The following COL11A1 variants were observed in gnomAD, a reference collection of about 807,000 sequenced individuals.
COL11A1 encodes the protein collagen type XI alpha 1 chain.
In COL11A1, 74 loss-of-function variants were observed where a neutral mutation model predicts 265.2. The observed-to-expected ratio is 0.28, with a 90% CI of 0.23 to 0.34. The LOEUF (loss-of-function observed/expected upper bound fraction) is 0.34. Ranked by LOEUF, COL11A1 falls within the 10% of genes least tolerant of loss-of-function variation. The pLI is 1.00. For synonymous variants in COL11A1, 816 were observed against 727.6 expected, an observed-to-expected ratio of 1.12 and a Z score of -1.96; for missense variants, 2,165 against 2,263.6, an observed-to-expected ratio of 0.96 and a Z score of 0.88.
Position 102,989,581 on chromosome 1 carries a change from T to C in COL11A1, c.2341-10A>G. The C allele has an allele frequency of 6.2e-7, 1 of 1,601,694 alleles. No homozygotes were observed. The highest frequency in any genetic ancestry group is 8.5e-7 in the Non-Finnish European group (1 of 1,169,592). ...GAAAACCATCTTCACCCTAAAACAT[T>C]ATAAAAGGAATTAAATAGGAGTTTA... On this transcript the variant is annotated splice_polypyrimidine_tract_variant and intron_variant, in intron 28 of 66. Coordinates refer to ENST00000370096, the MANE Select transcript of COL11A1 (RefSeq NM_001854.4).
chr1:102,885,941 T>C (rs765438034), intron 63 of COL11A1, among the ~76,000 whole-genome samples: 7 of 152,134 alleles, frequency 4.6e-5, no homozygotes, highest in Admixed American at 3.9e-4. Context: ...TTTTGTGACA[T>C]CCTTTTTTTT....
chr1:103,050,087 C>G (rs909941735), intron 4 of COL11A1, among the ~76,000 whole-genome samples: 1 of 152,146 alleles, frequency 6.6e-6, no homozygotes, highest in Non-Finnish European at 1.5e-5. Context: ...CTTGGAGTTG[C>G]TCTTCTCAAG....
intron 33 of COL11A1, 59 bp from the exon 34 acceptor site, chr1:102,978,972 A>AAT (rs1429194238): frequency 6.2e-7 from 1 of 1,609,980 alleles, no homozygotes; most frequent in African/African-American, 1.3e-5. Context: ...AAAGACACTA[A>AAT]ATCAATTTTT....
intron 4 of COL11A1, among the ~76,000 whole-genome samples, chr1:103,057,013 T>C (rs76837428): frequency 0.035 from 5,254 of 152,224 alleles, 326 homozygotes; most frequent in African/African-American, 0.12. Context: ...CTGTATCAAT[T>C]TCTTAAAATA....
At chr1:102,977,226 G>T (rs982602492) in intron 35 of COL11A1, among the ~76,000 whole-genome samples, 34 of 152,172 alleles carry the variant, frequency 2.2e-4, no homozygotes, top group Admixed American at 7.9e-4. Context: ...AATAGTTTAA[G>T]ATAATTAAAA....
At chr1:102,928,321 A>G (rs1023375851) in intron 46 of COL11A1, among the ~76,000 whole-genome samples, 3 of 150,508 alleles carry the variant, frequency 2.0e-5, no homozygotes, top group Non-Finnish European at 4.4e-5. Context: ...TCATTGTTCA[A>G]TTCCCACCTA....
chr1:102,899,023 T>C (rs1412659842), intron 54 of COL11A1, 29 bp from the exon 55 acceptor site: 1 of 1,344,978 alleles, frequency 7.4e-7, no homozygotes, highest in Admixed American at 1.9e-5. Flanking sequence ...TTGTAAAATA[T>C]GTATCACATA....
intron 4 of COL11A1, among the ~76,000 whole-genome samples, chr1:103,056,945 G>A (rs1268899408): frequency 6.6e-6 from 1 of 152,146 alleles, no homozygotes; most frequent in African/African-American, 2.4e-5. Flanking sequence ...TGCTGGTGGA[G>A]GGTCTCACCT....
chr1:103,103,123 G>A (rs193104909), intron 1 of COL11A1, among the ~76,000 whole-genome samples: 2 of 151,974 alleles, frequency 1.3e-5, no homozygotes, highest in Admixed American at 6.6e-5. Context: ...ATTAGAATTT[G>A]CACTACTACG....
intron 9 of COL11A1, among the ~76,000 whole-genome samples, chr1:103,021,089 T>C (rs1391451786): frequency 1.3e-5 from 2 of 150,650 alleles, no homozygotes; most frequent in Admixed American, 6.6e-5. Flanking sequence ...TCAGTTCTAA[T>C]ACATTAGTTT....
chr1:102,914,836 AG>A lies in COL11A1; in HGVS notation c.3817-26del, dbSNP rs371873617. 1.3e-3 allele frequency: 1,731 copies of A among 1,369,138 alleles called. 4 individuals carry two copies. Among genetic ancestry groups the A allele is most frequent in the Admixed American group, 1.6e-3 (80 of 49,812 alleles). 84.8% of individuals were successfully genotyped at this position (1,369,138 alleles called of 1,614,324 possible). A position where few individuals can be genotyped will look rare whatever the true frequency, so the allele number is the denominator to read the frequency against. On this transcript the variant is annotated intron_variant, in intron 50 of 66. Transcript: ENST00000370096. ...CCTAAACAATGTTAAAAAAAAAAAA[AG>A]AAGAAGAAGGAAAGAAGAGTTATCT...
intron 36 of COL11A1, among the ~76,000 whole-genome samples, chr1:102,970,484 T>C (rs1042730635): frequency 2.6e-5 from 4 of 152,212 alleles, no homozygotes; most frequent in East Asian, 3.8e-4. Context: ...ATAGTTGAAC[T>C]CTTTTCTGAA....
In COL11A1 at chr1:103,022,958, T is replaced by C. The variant is rs758560816; in HGVS notation, c.1029A>G (p.Leu343=). 6.2e-7 allele frequency: 1 copy of C among 1,613,302 alleles called. No individual in the cohort carries two copies. Among genetic ancestry groups the C allele is most frequent in the Non-Finnish European group, 8.5e-7 (1 of 1,179,556 alleles). Residue 343 remains leucine (L), a synonymous_variant, in exon 8 of 67, where the codon CTA becomes CTG. Coordinates refer to ENST00000370096, the MANE Select transcript of COL11A1 (RefSeq NM_001854.4). ...PVEEIFTEEY[L]TGEDYDSQRK... Reference sequence around the variant, plus strand: ...TCTGGGAATCATAATCCTCTCCCGTTAGATATTCTTCAGTAAATATTTCTT... The same window carrying C: ...TCTGGGAATCATAATCCTCTCCCGTCAGATATTCTTCAGTAAATATTTCTT...
At chr1:103,004,301 T>A in intron 20 of COL11A1, 143 bp downstream of exon 20, 1 of 642,756 alleles carries the variant, frequency 1.6e-6, no homozygotes, top group Non-Finnish European at 2.7e-6. Flanking sequence ...CCTTTTTAAT[T>A]TTTTTCGCAT....
chr1:102,899,227 A>G (rs1570666046), intron 54 of COL11A1, among the ~76,000 whole-genome samples: 1 of 152,242 alleles, frequency 6.6e-6, no homozygotes, highest in African/African-American at 2.4e-5. Context: ...CTTCACATCA[A>G]TATAAGAAAG....
chr1:102,934,345 C>A, intron 46 of COL11A1, 104 bp downstream of exon 46: 1 of 766,770 alleles, frequency 1.3e-6, no homozygotes, highest in Admixed American at 2.2e-5. Flanking sequence ...TACCCAAGTT[C>A]TTACGTAGAA....
intron 41 of COL11A1, among the ~76,000 whole-genome samples, chr1:102,959,897 G>A (rs1298237601): frequency 6.6e-6 from 1 of 152,128 alleles, no homozygotes; most frequent in African/African-American, 2.4e-5. Context: ...TCACAGCTCA[G>A]ATGATTAGTT....
intron 4 of COL11A1, among the ~76,000 whole-genome samples, chr1:103,039,536 A>C (rs1668642893): frequency 6.6e-6 from 1 of 152,054 alleles, no homozygotes; most frequent in Non-Finnish European, 1.5e-5. Context: ...CAGAGGAAAG[A>C]CCATGTAAAG....
chr1:102,985,747 G>A (rs564447101), intron 30 of COL11A1, among the ~76,000 whole-genome samples: 2 of 152,252 alleles, frequency 1.3e-5, no homozygotes, highest in East Asian at 3.9e-4. Context: ...TAGCTTGTGT[G>A]ACTGTTTACA....
Sources: allele counts gnomAD v4.1 joint callset (sites outside exome capture counted in the v4.1 genomes callset), GRCh38; gene constraint gnomAD v4.1.1; transcripts MANE v1.5; gene names NCBI Gene and HGNC (gene_info 2026-07-23, HGNC 2026-07-21).